Variants in PEX14 observed in about 807,000 individuals in gnomAD.
PEX14 encodes the protein peroxisomal membrane protein PEX14.
Under a neutral mutation model 49.5 loss-of-function variants are expected in PEX14, and 15 were observed. The observed-to-expected ratio is 0.30, with a 90% confidence interval of 0.20 to 0.47. PEX14 has a LOEUF of 0.47. Among genes scored for constraint, PEX14 ranks in the 20% least tolerant of loss-of-function variants. The probability of loss-of-function intolerance (pLI) is 1.00; values close to 1 mark genes in which losing one functional copy is unlikely to be tolerated. For synonymous variants in PEX14, 210 were observed against 212.7 expected, an observed-to-expected ratio of 0.99 and a Z score of 0.11; for missense variants, 398 against 494.8, an observed-to-expected ratio of 0.80 and a Z score of 1.86.
intron 2 of PEX14, among the ~76,000 whole-genome samples, chr1:10,531,292 C>G (rs1030415452): frequency 6.6e-6 from 1 of 152,148 alleles, no homozygotes; most frequent in Non-Finnish European, 1.5e-5. Flanking sequence ...CAACTATTTC[C>G]CTGTGCCGCC....
intron 1 of PEX14, among the ~76,000 whole-genome samples, chr1:10,477,101 C>A (rs923229154): frequency 6.6e-6 from 1 of 150,810 alleles, no homozygotes; most frequent in African/African-American, 2.4e-5. Flanking sequence ...GACAGAGTCT[C>A]GCTGTGTCAC....
At chr1:10,563,861 A>G (rs10864464) in intron 3 of PEX14, among the ~76,000 whole-genome samples, 147,341 of 151,610 alleles carry the variant, frequency 0.97, 71,732 homozygotes, top group East Asian at 1. Flanking sequence ...GCAGTGAGCC[A>G]ACATCACGCC....
intron 4 of PEX14, among the ~76,000 whole-genome samples, chr1:10,600,218 G>A (rs1640943397): frequency 2.6e-5 from 4 of 152,162 alleles, no homozygotes; most frequent in Admixed American, 6.5e-5. Context: ...TCAGGAGTTC[G>A]AGACCAGCCC....
chr1:10,562,805 G>C (rs909997766), intron 3 of PEX14, among the ~76,000 whole-genome samples: 2 of 152,114 alleles, frequency 1.3e-5, no homozygotes, highest in Non-Finnish European at 2.9e-5. Context: ...TCAGCTTCAT[G>C]AACATTGCTA....
chr1:10,480,301 C>T (rs1024445665), intron 1 of PEX14, among the ~76,000 whole-genome samples: 2 of 151,836 alleles, frequency 1.3e-5, no homozygotes, highest in African/African-American at 2.4e-5. Flanking sequence ...ACCTCAGCCT[C>T]CCAGGTTCAA....
chr1:10,527,952 T>C (rs1248023784), intron 2 of PEX14, among the ~76,000 whole-genome samples: 1 of 152,246 alleles, frequency 6.6e-6, no homozygotes, highest in Non-Finnish European at 1.5e-5. Context: ...ATTACAAGCG[T>C]GAGCCACTGT....
chr1:10,502,049 G>A (rs191002338), intron 2 of PEX14, among the ~76,000 whole-genome samples: 2 of 152,124 alleles, frequency 1.3e-5, no homozygotes, highest in African/African-American at 2.4e-5. Flanking sequence ...TATAAACCAC[G>A]GATGGGCTCA....
intron 5 of PEX14, among the ~76,000 whole-genome samples, chr1:10,619,848 G>A (rs1641539189): frequency 6.6e-6 from 1 of 152,038 alleles, no homozygotes. Context: ...GCTCACGCCT[G>A]TAATCCCAGC....
chr1:10,500,870 C>T (rs925699662), intron 2 of PEX14, among the ~76,000 whole-genome samples: 1 of 152,156 alleles, frequency 6.6e-6, no homozygotes, highest in Non-Finnish European at 1.5e-5. Context: ...CCACCACGTC[C>T]GGCCCCACCA....
intron 5 of PEX14, among the ~76,000 whole-genome samples, chr1:10,621,634 C>G (rs185626970): frequency 1.3e-5 from 2 of 152,100 alleles, no homozygotes; most frequent in South Asian, 2.1e-4. Context: ...CGTGAGCCAC[C>G]GCGCCCGGCC....
intron 3 of PEX14, among the ~76,000 whole-genome samples, chr1:10,562,910 CTTTCT>C (rs1639689917): frequency 1.1e-5 from 1 of 91,554 alleles, no homozygotes; most frequent in African/African-American, 3.0e-5. Context: ...TTTTTTCTTT[CTTTCT>C]TTTCTTTTTT....
chr1:10,607,768 A>T (rs1641166176), intron 4 of PEX14, among the ~76,000 whole-genome samples: 1 of 152,164 alleles, frequency 6.6e-6, no homozygotes, highest in Non-Finnish European at 1.5e-5. Context: ...TGTATTCTGG[A>T]TTCAAGTTGT....
chr1:10,509,192 C>T (rs1350206631), intron 2 of PEX14, among the ~76,000 whole-genome samples: 2 of 152,130 alleles, frequency 1.3e-5, no homozygotes, highest in African/African-American at 2.4e-5. Flanking sequence ...TCATGATCCG[C>T]CTGCCTCGGC....
In PEX14 at chr1:10,512,363, A is replaced by G. The variant is rs1641899380; in HGVS notation, c.84+17042A>G. On this transcript the variant is annotated intron_variant, in intron 2 of 8. Transcript: ENST00000356607. This position sits in a 1 kb window ranked among gnomAD's most constrained non-coding sequence, Gnocchi z 4.6. ...TTGACTAAGTCACCTGATTGATGACATGAGCATTGCTGGGTGTTGAAACAC... is the reference window on the plus strand; with the variant it reads ...TTGACTAAGTCACCTGATTGATGACGTGAGCATTGCTGGGTGTTGAAACAC... Among the ~76,000 whole-genome samples, 1 of 152,174 alleles carries G rather than the reference A, an allele frequency of 6.6e-6. No homozygotes were observed. The highest frequency in any genetic ancestry group is 2.1e-4 in the South Asian group (1 of 4,834).
Position 10,536,238 on chromosome 1 carries a change from A to G in PEX14, c.110A>G (p.Gln37Arg). 6.2e-7 allele frequency: 1 copy of G among 1,612,108 alleles called. No homozygotes were observed. The highest frequency in any genetic ancestry group is 8.5e-7 in the Non-Finnish European group (1 of 1,178,154). The change falls in exon 3 of 9, where the codon CAG (glutamine) becomes CGG (arginine). Residue 37 changes from glutamine (Q) to arginine (R), a missense_variant. This residue lies in a region of PEX14 where 202 missense variants were observed against 298.5 expected (regional missense o/e 0.68). Transcript: ENST00000356607. ...PLIATAVKFL[Q>R]NSRVRQSPLA... ...ATTGCCACGGCAGTGAAGTTTCTAC[A>G]GAATTCCCGGGTCCGCCAGAGCCCA...
rs1374594392 is a variant in PEX14, at chr1:10,475,140, G to A, written c.36+138G>A. 42 of 739,750 alleles carry A rather than the reference G, an allele frequency of 5.7e-5. No homozygotes were observed. The East Asian group carries it at 1.2e-3, about 20-fold the overall frequency. The allele number at this position is 739,750 out of a possible 1,614,324, so 45.8% of individuals were successfully genotyped here. A position where few individuals can be genotyped will look rare whatever the true frequency, so the allele number is the denominator to read the frequency against. ...GACCTCTTGCCCCCTCCTGAGCCCCGCCCCTCCCCAGGTCCTCCCCACCCG... is the reference window on the plus strand; with the variant it reads ...GACCTCTTGCCCCCTCCTGAGCCCCACCCCTCCCCAGGTCCTCCCCACCCG... On this transcript the variant is annotated intron_variant, in intron 1 of 8. Transcript: ENST00000356607.
intron 1 of PEX14, among the ~76,000 whole-genome samples, chr1:10,491,872 G>A (rs897983360): frequency 6.6e-6 from 1 of 151,632 alleles, no homozygotes. Flanking sequence ...TTGTAGAGAC[G>A]GGGTTTCGCC....
intron 4 of PEX14, among the ~76,000 whole-genome samples, chr1:10,607,218 C>T (rs570892561): frequency 2.6e-5 from 4 of 152,136 alleles, no homozygotes; most frequent in East Asian, 1.9e-4. Flanking sequence ...TGTGCGCATC[C>T]GAAGCCTTTT....
chr1:10,616,882 G>A (rs1233218021), intron 4 of PEX14: 1 of 152,208 alleles, frequency 6.6e-6, no homozygotes, highest in Non-Finnish European at 1.5e-5. Context: ...TTGGGAGGCT[G>A]AGGTGAGAGG....
Sources: gnomAD v4.1 joint callset for allele counts (sites outside exome capture counted in the v4.1 genomes callset) on GRCh38, gnomAD v4.1.1 for gene constraint, gnomAD v4.1.1 regional missense constraint, Gnocchi (gnomAD v3.1) non-coding constraint, MANE v1.5 for transcripts, NCBI Gene and HGNC (gene_info 2026-07-23, HGNC 2026-07-21) for gene names.